PRKN: variants seen among roughly 807,000 people sequenced by gnomAD.
PRKN encodes parkin RBR E3 ubiquitin protein ligase.
Under a neutral mutation model 59.5 loss-of-function variants are expected in PRKN, and 56 were observed. The observed-to-expected ratio is 0.94, with a 90% CI of 0.76 to 1.18. The LOEUF is 1.18. PRKN is among the 50% of genes most tolerant of loss of function. PRKN has a pLI of 0.00. For missense variants in PRKN, 657 were observed against 596.4 expected (o/e 1.10, Z -1.06); for synonymous variants, 250 against 222.1 (o/e 1.13, Z -1.12).
At chr6:162,353,267 G>A (rs1197791596) in intron 2 of PRKN, among the ~76,000 whole-genome samples, 1 of 151,950 alleles carries the variant, frequency 6.6e-6, no homozygotes, top group Admixed American at 6.6e-5. Context: ...TAGGGTAAGA[G>A]TGGACGGTTA....
intron 4 of PRKN, among the ~76,000 whole-genome samples, chr6:162,103,042 C>CAAAAAAAAAA: frequency 1.8e-5 from 1 of 54,358 alleles, no homozygotes; most frequent in African/African-American, 6.3e-5. Flanking sequence ...GACTCTGTCT[C>CAAAAAAAAAA]AAAAAAAAAA....
intron 7 of PRKN, among the ~76,000 whole-genome samples, chr6:161,615,752 C>T (rs1782669922): frequency 6.6e-6 from 1 of 152,244 alleles, no homozygotes; most frequent in Non-Finnish European, 1.5e-5. Context: ...GCCTCCCTCT[C>T]CTCCTGCATG....
At chr6:161,647,003 A>T (rs1158804099) in intron 7 of PRKN, among the ~76,000 whole-genome samples, 1 of 152,214 alleles carries the variant, frequency 6.6e-6, no homozygotes, top group Non-Finnish European at 1.5e-5. Flanking sequence ...CAATAAGATC[A>T]GTGGCAATCA....
At chr6:161,412,937 T>C (rs936770285) in intron 9 of PRKN, among the ~76,000 whole-genome samples, 1 of 152,224 alleles carries the variant, frequency 6.6e-6, no homozygotes, top group African/African-American at 2.4e-5. Flanking sequence ...CAAGAGCTTA[T>C]TAAGCAGCAG....
Position 161,968,221 on chromosome 6 carries a change from A to G in PRKN, c.734+5081T>C, listed in dbSNP as rs550545246. Among the ~76,000 whole-genome samples the G allele has an allele frequency of 5.0e-3, 688 of 136,632 alleles. 7 individuals carry two copies. The highest frequency in any genetic ancestry group is 0.018 in the African/African-American group (650 of 35,586). 89.6% of individuals were successfully genotyped at this position (136,632 alleles called of 152,430 possible). A position where few individuals can be genotyped will look rare whatever the true frequency, so the allele number is the denominator to read the frequency against. On this transcript the variant is annotated intron_variant, in intron 6 of 11. Transcript: ENST00000366898. Reference sequence around the variant, plus strand: ...TTTTTTTTTTTTTTGTATTATTAGTAGAGATGGGATTTCCCCATGTTGGCC... The same window carrying G: ...TTTTTTTTTTTTTTGTATTATTAGTGGAGATGGGATTTCCCCATGTTGGCC...
chr6:161,664,793 C>CTT (rs60215581), intron 7 of PRKN, among the ~76,000 whole-genome samples: 57,785 of 145,252 alleles, frequency 0.4, 12,670 homozygotes, highest in Non-Finnish European at 0.49. Flanking sequence ...CTGACTTTTT[C>CTT]TTTTTTTTTT....
intron 1 of PRKN, among the ~76,000 whole-genome samples, chr6:162,564,316 G>T (rs1043304580): frequency 2.0e-5 from 3 of 151,832 alleles, no homozygotes; most frequent in Non-Finnish European, 4.4e-5. Flanking sequence ...CTGCACTCCA[G>T]CCTGGCAATA....
intron 6 of PRKN, among the ~76,000 whole-genome samples, chr6:161,820,073 T>C (rs2000594): frequency 0.9 from 136,730 of 152,144 alleles, 61,615 homozygotes; most frequent in Middle Eastern, 0.96. Context: ...GACATAAACG[T>C]ACCTATCCCA....
chr6:162,236,203 C>A (rs546253389), intron 3 of PRKN, among the ~76,000 whole-genome samples: 1 of 152,270 alleles, frequency 6.6e-6, no homozygotes, highest in Admixed American at 6.5e-5. Context: ...ATCACTTGTA[C>A]CCGTTGACTA....
chr6:161,416,964 G>C (rs574540185), intron 9 of PRKN, among the ~76,000 whole-genome samples: 1 of 152,260 alleles, frequency 6.6e-6, no homozygotes, highest in African/African-American at 2.4e-5. Flanking sequence ...TCTGGAATGA[G>C]GTACCAGAAA....
intron 1 of PRKN, among the ~76,000 whole-genome samples, chr6:162,456,989 A>G (rs1790906417): frequency 6.6e-6 from 1 of 152,212 alleles, no homozygotes; most frequent in African/African-American, 2.4e-5. Flanking sequence ...ACATGACACT[A>G]CATAGACCTC....
At chr6:161,698,392 T>A (rs1407144401) in intron 7 of PRKN, among the ~76,000 whole-genome samples, 1 of 152,138 alleles carries the variant, frequency 6.6e-6, no homozygotes, top group Non-Finnish European at 1.5e-5. Flanking sequence ...TTATTCAGGA[T>A]AATGCCTAGA....
intron 8 of PRKN, among the ~76,000 whole-genome samples, chr6:161,565,355 T>C (rs1225850635): frequency 6.6e-6 from 1 of 152,072 alleles, no homozygotes; most frequent in Non-Finnish European, 1.5e-5. Flanking sequence ...TAAATGACAA[T>C]TTCATTATCC....
At position 161,393,982 on chromosome 6, in the gene PRKN, T is replaced by C. The variant is rs1022780844; in HGVS notation, c.1084-7105A>G. 2.0e-5 allele frequency among the ~76,000 whole-genome samples: 3 copies of C among 152,066 alleles called. No individual in the cohort carries two copies. Among genetic ancestry groups the C allele is most frequent in the African/African-American group, 7.2e-5 (3 of 41,402 alleles). On this transcript the variant is annotated intron_variant, in intron 9 of 11. Transcript: ENST00000366898. This position sits in a 1 kb window ranked among gnomAD's most constrained non-coding sequence, Gnocchi z 4.7. ...ATAGATGAAATATTTTTCTTTTTGG[T>C]GTGTAGCTTTCCAGAAGATGGCAGC...
intron 1 of PRKN, among the ~76,000 whole-genome samples, chr6:162,498,639 T>G (rs2128187228): frequency 6.6e-6 from 1 of 151,730 alleles, no homozygotes; most frequent in African/African-American, 2.4e-5. Context: ...GAGATGGGGT[T>G]TCTCCATGTT....
chr6:161,846,523 G>T (rs1793204623), intron 6 of PRKN, among the ~76,000 whole-genome samples: 1 of 152,164 alleles, frequency 6.6e-6, no homozygotes, highest in Non-Finnish European at 1.5e-5. Context: ...GGAGCACAGG[G>T]CCCAAGCAGG....
intron 1 of PRKN, among the ~76,000 whole-genome samples, chr6:162,594,927 C>T (rs933618186): frequency 1.6e-4 from 25 of 152,192 alleles, no homozygotes; most frequent in African/African-American, 6.0e-4. Context: ...GTAATCCCAG[C>T]ACTTTGGGAG....
At chr6:162,493,055 G>A (rs2128185531) in intron 1 of PRKN, among the ~76,000 whole-genome samples, 1 of 151,434 alleles carries the variant, frequency 6.6e-6, no homozygotes. Flanking sequence ...TGGTGCTCAT[G>A]CAGAAGACAT....
intron 7 of PRKN, among the ~76,000 whole-genome samples, chr6:161,594,730 T>A (rs547417264): frequency 8.5e-4 from 60 of 70,856 alleles, no homozygotes; most frequent in African/African-American, 8.1e-3. Context: ...GTTGACTGAA[T>A]AACTGAACAA....
Sources: gnomAD v4.1 joint callset for allele counts (sites outside exome capture counted in the v4.1 genomes callset) on GRCh38, gnomAD v4.1.1 for gene constraint, Gnocchi (gnomAD v3.1) non-coding constraint, MANE v1.5 for transcripts, NCBI Gene and HGNC (gene_info 2026-07-23, HGNC 2026-07-21) for gene names.